The following EML5 variants were observed in gnomAD, a reference collection of about 807,000 sequenced individuals.
The protein encoded by EML5 is echinoderm microtubule-associated protein-like 5.
In EML5, 120 loss-of-function variants were observed where a neutral mutation model predicts 250.0. That is an observed-to-expected ratio of 0.48 (90% CI 0.41 to 0.56). The LOEUF is 0.56. Ranked by LOEUF, EML5 falls within the 20% of genes least tolerant of loss-of-function variation. The pLI, the probability that EML5 is intolerant of heterozygous loss-of-function variation, is 0.00. For missense variants in EML5, 2,006 were observed against 2,437.6 expected (o/e 0.82, Z 3.73); for synonymous variants, 771 against 806.5 (o/e 0.96, Z 0.75).
intron 32 of EML5, among the ~76,000 whole-genome samples, chr14:88,637,092 T>G (rs2090780403): frequency 6.6e-6 from 1 of 152,212 alleles, no homozygotes; most frequent in African/African-American, 2.4e-5. Flanking sequence ...TTGTGGGTAT[T>G]AAACAAGCCT....
intron 29 of EML5, among the ~76,000 whole-genome samples, chr14:88,646,418 A>G (rs1215653762): frequency 6.6e-6 from 1 of 152,162 alleles, no homozygotes; most frequent in East Asian, 1.9e-4. Flanking sequence ...AAGTAAAAAT[A>G]AAACTGAATT....
intron 2 of EML5, 31 bp from the exon 3 acceptor site, chr14:88,746,314 A>G: frequency 6.4e-7 from 1 of 1,559,474 alleles, no homozygotes; most frequent in Non-Finnish European, 8.8e-7. Context: ...CCAGGAAGGA[A>G]TAAAAAGGCA....
At chr14:88,710,953 A>C (rs1033564264) in intron 10 of EML5, among the ~76,000 whole-genome samples, 1 of 152,160 alleles carries the variant, frequency 6.6e-6, no homozygotes, top group African/African-American at 2.4e-5. Flanking sequence ...ATAATCAATA[A>C]ATCCTATTCA....
rs1229449265 is a variant in EML5, at chr14:88,619,043, A to G, written c.5376-231T>C. On this transcript the variant is annotated intron_variant, in intron 39 of 43. Transcript: ENST00000554922. ...ATATTTCCCCAATTGTCATCTCCCAATTCCTTTAAAAACGTCTAATGGCTT... is the reference window on the plus strand; with the variant it reads ...ATATTTCCCCAATTGTCATCTCCCAGTTCCTTTAAAAACGTCTAATGGCTT... 27 of 356,814 alleles carry G rather than the reference A, an allele frequency of 7.6e-5. 1 individual carries two copies. In the South Asian group the frequency reaches 1.1e-3, roughly 15 times the overall value. 22.1% of individuals were successfully genotyped at this position (356,814 alleles called of 1,614,324 possible). A position where few individuals can be genotyped will look rare whatever the true frequency, so the allele number is the denominator to read the frequency against.
intron 2 of EML5, among the ~76,000 whole-genome samples, chr14:88,749,427 T>C (rs1170551175): frequency 6.6e-6 from 1 of 152,148 alleles, no homozygotes; most frequent in Non-Finnish European, 1.5e-5. Flanking sequence ...CACTACAAGA[T>C]ATGATCATGA....
chr14:88,733,880 A>C (rs1173560214), intron 7 of EML5, among the ~76,000 whole-genome samples: 7 of 152,200 alleles, frequency 4.6e-5, no homozygotes, highest in African/African-American at 1.7e-4. Flanking sequence ...TTTAAAAAAT[A>C]ATTTTGGGGA....
chr14:88,738,443 G>A (rs1436465863), intron 6 of EML5, among the ~76,000 whole-genome samples: 1 of 149,208 alleles, frequency 6.7e-6, no homozygotes, highest in East Asian at 1.9e-4. Context: ...CCCAATTGCT[G>A]ACAAATTTGG....
chr14:88,626,616 CAAA>C (rs34372433), intron 35 of EML5: 754 of 473,060 alleles, frequency 1.6e-3, no homozygotes, highest in South Asian at 2.1e-3. Context: ...GATACTGTGT[CAAA>C]AAAAAAAAAA....
chr14:88,686,511 T>G (rs1647601395), intron 19 of EML5, among the ~76,000 whole-genome samples: 2 of 151,924 alleles, frequency 1.3e-5, no homozygotes, highest in Admixed American at 1.3e-4. Context: ...CCTTGCACCC[T>G]TCCTCCTCTT....
intron 23 of EML5, among the ~76,000 whole-genome samples, chr14:88,663,865 T>C (rs1053270504): frequency 5.3e-5 from 8 of 152,142 alleles, no homozygotes; most frequent in Non-Finnish European, 4.4e-5. Context: ...ATGTCAAATT[T>C]ATATGACAAA....
chr14:88,694,466 T>C (rs1223007033), intron 16 of EML5, 59 bp from the exon 17 acceptor site: 2 of 1,191,982 alleles, frequency 1.7e-6, no homozygotes, highest in East Asian at 2.6e-5. Context: ...TATTAATCTC[T>C]TGCCTAATCC....
At chr14:88,790,763 G>A (rs2094597784) in intron 1 of EML5, among the ~76,000 whole-genome samples, 1 of 152,142 alleles carries the variant, frequency 6.6e-6, no homozygotes, top group South Asian at 2.1e-4. Flanking sequence ...AGGGAGACTT[G>A]AAAGGATTAG....
At chr14:88,724,331 G>T (rs2093635940) in intron 8 of EML5, among the ~76,000 whole-genome samples, 1 of 150,052 alleles carries the variant, frequency 6.7e-6, no homozygotes. Context: ...ACCATATGGA[G>T]AATACAAAGC....
intron 10 of EML5, among the ~76,000 whole-genome samples, chr14:88,710,679 C>T (rs1405738041): frequency 6.6e-6 from 1 of 152,120 alleles, no homozygotes; most frequent in Admixed American, 6.5e-5. Flanking sequence ...GCTACAATCT[C>T]AAGCTGACTC....
At chr14:88,651,205 C>T (rs1404896328) in intron 27 of EML5, among the ~76,000 whole-genome samples, 2 of 145,076 alleles carry the variant, frequency 1.4e-5, no homozygotes, top group Non-Finnish European at 3.0e-5. Context: ...TTGGACTCTG[C>T]CACGGGGGCC....
intron 1 of EML5, among the ~76,000 whole-genome samples, chr14:88,791,323 T>C (rs2094605608): frequency 6.6e-6 from 1 of 152,326 alleles, no homozygotes; most frequent in East Asian, 1.9e-4. Context: ...ACCCAAATCG[T>C]AGAATCTTTG....
Position 88,740,486 on chromosome 14 carries a change from G to C in EML5, c.612C>G (p.Ala204=). The C allele has an allele frequency of 6.2e-7, 1 of 1,613,824 alleles. No individual in the cohort carries two copies. Among genetic ancestry groups the C allele is most frequent in the Non-Finnish European group, 8.5e-7 (1 of 1,179,812 alleles). The change falls in exon 5 of 44, where the codon GCC becomes GCG. Residue 204 remains alanine, a synonymous_variant. Transcript: ENST00000554922. The part of the protein sequence containing the change: ...TGDLQTILCL[A]CARDELTYSG... ...AATATGTTAATTCATCCCTTGCACAGGCTAGGCACAGTATTGTCTGAAGGT... is the reference window on the plus strand; with the variant it reads ...AATATGTTAATTCATCCCTTGCACACGCTAGGCACAGTATTGTCTGAAGGT...
intron 8 of EML5, among the ~76,000 whole-genome samples, chr14:88,716,274 A>C (rs2093491784): frequency 6.6e-6 from 1 of 152,210 alleles, no homozygotes; most frequent in Non-Finnish European, 1.5e-5. Context: ...AGATAAATCC[A>C]AGATTGTATT....
chr14:88,621,987 C>A, intron 37 of EML5: 1 of 411,734 alleles, frequency 2.4e-6, no homozygotes, highest in Admixed American at 2.5e-5. Flanking sequence ...TCCTATCTGG[C>A]TGTGTAAACT....
Sources: allele counts gnomAD v4.1 joint callset (sites outside exome capture counted in the v4.1 genomes callset), GRCh38; gene constraint gnomAD v4.1.1; transcripts MANE v1.5; gene names NCBI Gene and HGNC (gene_info 2026-07-23, HGNC 2026-07-21).